The following KIAA2012 variants were observed in gnomAD, a reference collection of about 807,000 sequenced individuals.
KIAA2012 encodes KIAA2012.
A neutral mutation model predicts 150.6 loss-of-function variants in KIAA2012; 125 were observed. That is an observed-to-expected ratio of 0.83 (90% CI 0.72 to 0.96). The LOEUF (loss-of-function observed/expected upper bound fraction) is 0.96, where lower values mean the gene tolerates loss of function less well. Ranked by LOEUF, KIAA2012 falls within the 40% of genes least tolerant of loss-of-function variation. The pLI, the probability that KIAA2012 is intolerant of heterozygous loss-of-function variation, is 0.00. For synonymous variants in KIAA2012, 462 were observed against 504.7 expected (o/e 0.92, Z 1.13); for missense variants, 1,219 against 1,354.9 (o/e 0.90, Z 1.57).
chr2:202,188,255 A>C lies in KIAA2012; in HGVS notation c.2480A>C (p.Glu827Ala), dbSNP rs1224922991. Residue 827 changes from glutamate (E) to alanine (A), a missense_variant, in exon 18 of 24, where the codon GAG becomes GCG. Glu to Ala is a moderately radical substitution (Grantham distance 107). Coordinates refer to ENST00000498697, the MANE Select transcript of KIAA2012 (RefSeq NM_001277372.4). Reference sequence around the variant, plus strand: ...GAAGGAAAGGTCTACGGGCAAGCAGAGGCTGCCATTGGTAAGAGAGTGTGC... The same window carrying C: ...GAAGGAAAGGTCTACGGGCAAGCAGCGGCTGCCATTGGTAAGAGAGTGTGC... ...EREGKVYGQA[E>A]AAIGKSKDSK... 6.5e-7 allele frequency: 1 copy of C among 1,549,584 alleles called. No homozygotes were observed. The highest frequency in any genetic ancestry group is 8.7e-7 in the Non-Finnish European group (1 of 1,146,568).
At chr2:202,147,113 G>A (rs1368039044) in intron 13 of KIAA2012, among the ~76,000 whole-genome samples, 2 of 152,154 alleles carry the variant, frequency 1.3e-5, no homozygotes, top group Non-Finnish European at 2.9e-5. Context: ...TTGAAAAGCA[G>A]GAATAATTTA....
intron 14 of KIAA2012, 55 bp downstream of exon 14, chr2:202,154,865 A>G: frequency 1.3e-6 from 2 of 1,506,938 alleles, no homozygotes; most frequent in Non-Finnish European, 1.8e-6. Context: ...CAGGAATTCC[A>G]GTTAATACAC....
chr2:202,152,787 T>C (rs115128878), intron 13 of KIAA2012, among the ~76,000 whole-genome samples: 36 of 152,318 alleles, frequency 2.4e-4, no homozygotes, highest in African/African-American at 8.4e-4. Context: ...TGGGTGTTCA[T>C]TGGAATGATG....
At chr2:202,152,691 T>C (rs1005968516) in intron 13 of KIAA2012, among the ~76,000 whole-genome samples, 3 of 152,208 alleles carry the variant, frequency 2.0e-5, no homozygotes, top group African/African-American at 7.2e-5. Flanking sequence ...ATCAGATATG[T>C]GGCTGAGATG....
intron 14 of KIAA2012, among the ~76,000 whole-genome samples, chr2:202,162,055 T>C (rs955024964): frequency 1.4e-5 from 2 of 146,388 alleles, no homozygotes; most frequent in African/African-American, 2.4e-5. Context: ...ATCTGAAATA[T>C]ATTCAGAAGG....
At chr2:202,122,027 C>T (rs1280129360) in intron 11 of KIAA2012, among the ~76,000 whole-genome samples, 2 of 152,026 alleles carry the variant, frequency 1.3e-5, no homozygotes, top group African/African-American at 2.4e-5. Context: ...AAAAGAGGAA[C>T]GTAGAGAACA....
At chr2:202,137,885 G>A (rs4494723) in intron 12 of KIAA2012, 98,463 of 152,644 alleles carry the variant, frequency 0.65, 31,934 homozygotes, top group Admixed American at 0.69. Context: ...GGCTGGCTCC[G>A]CGGTTTCCAT....
intron 12 of KIAA2012, among the ~76,000 whole-genome samples, chr2:202,135,038 G>T: frequency 6.6e-6 from 1 of 152,218 alleles, no homozygotes; most frequent in Non-Finnish European, 1.5e-5. Flanking sequence ...AGGCAGAAGA[G>T]GCTTGGGATG....
chr2:202,189,063 T>A (rs948085352), intron 18 of KIAA2012, among the ~76,000 whole-genome samples: 1 of 152,172 alleles, frequency 6.6e-6, no homozygotes, highest in Admixed American at 6.5e-5. Flanking sequence ...ATTTACATTT[T>A]TGTAGCCCAT....
At chr2:202,200,910 TAGTC>T (rs1222223249) in intron 22 of KIAA2012, among the ~76,000 whole-genome samples, 4 of 151,988 alleles carry the variant, frequency 2.6e-5, no homozygotes, top group Admixed American at 6.6e-5. Flanking sequence ...TTCTCCATGT[TAGTC>T]AGGCTTGTCT....
chr2:202,186,511 CA>C (rs57585341), intron 16 of KIAA2012, among the ~76,000 whole-genome samples: 7,307 of 144,042 alleles, frequency 0.051, 591 homozygotes, highest in African/African-American at 0.17. Flanking sequence ...GACTCCGTCT[CA>C]AAAAAAAAAA....
At chr2:202,142,331 A>G (rs1691210576) in intron 13 of KIAA2012, among the ~76,000 whole-genome samples, 1 of 152,246 alleles carries the variant, frequency 6.6e-6, no homozygotes, top group Non-Finnish European at 1.5e-5. Flanking sequence ...AAAACATGAA[A>G]TATCCATTGA....
intron 15 of KIAA2012, chr2:202,179,842 C>G: frequency 1.6e-6 from 1 of 620,238 alleles, no homozygotes; most frequent in Admixed American, 1.9e-5. Context: ...AGATCTGGAA[C>G]TTGAAGATGC....
chr2:202,109,699 G>A lies in KIAA2012; in HGVS notation c.1561G>A (p.Gly521Ser), dbSNP rs1159824971. 5 of 1,550,630 alleles carry A rather than the reference G, an allele frequency of 3.2e-6. No individual in the cohort carries two copies. The highest frequency in any genetic ancestry group is 1.2e-5 in the South Asian group (1 of 84,026). ...KGKKSPESQKGVDSPRTSDHN... is the reference protein window; with the variant it reads ...KGKKSPESQKSVDSPRTSDHN... The stretch of plus-strand genomic sequence containing the variant: ...AAAAAAAAGTCCTGAGAGCCAGAAG[G>A]GCGTGGACAGCCCTAGGACATCAGA... The change falls in exon 10 of 24, where the codon GGC (glycine) becomes AGC (serine). Residue 521 changes from glycine (G) to serine (S), a missense_variant. Coordinates refer to ENST00000498697, the MANE Select transcript of KIAA2012 (RefSeq NM_001277372.4).
At chr2:202,186,770 T>G (rs1692236011) in intron 16 of KIAA2012, among the ~76,000 whole-genome samples, 163 bp from the exon 17 acceptor site, 1 of 152,236 alleles carries the variant, frequency 6.6e-6, no homozygotes, top group African/African-American at 2.4e-5. Context: ...CTTTCTCATC[T>G]TCCTTACCAT....
intron 15 of KIAA2012, among the ~76,000 whole-genome samples, chr2:202,180,980 T>A (rs558369628): frequency 9.2e-5 from 14 of 152,202 alleles, no homozygotes; most frequent in Admixed American, 4.6e-4. Context: ...CAATTAAAAA[T>A]TTTTTTTGAG....
chr2:202,116,465 C>CTTTCTTT, intron 11 of KIAA2012: 1 of 57,986 alleles, frequency 1.7e-5, no homozygotes, highest in Non-Finnish European at 2.8e-5. Flanking sequence ...CCATGCCCGG[C>CTTTCTTT]TTTTTTTTTT....
At chr2:202,171,460 C>T (rs1323593188) in intron 15 of KIAA2012, among the ~76,000 whole-genome samples, 2 of 152,238 alleles carry the variant, frequency 1.3e-5, no homozygotes, top group African/African-American at 4.8e-5. Flanking sequence ...AGGCTTCTGC[C>T]TAGCGCCTCT....
In KIAA2012 at chr2:202,190,371, C is replaced by A; in HGVS notation, c.2689C>A (p.Pro897Thr). Residue 897 changes from proline to threonine, a missense_variant, in exon 19 of 24, where the codon CCC (proline) becomes ACC (threonine). By Grantham distance (38) the Pro-to-Thr change is conservative. Transcript: ENST00000498697. ...DSFVEDPWLSPKYDAQESQVS... is the reference protein window; with the variant it reads ...DSFVEDPWLSTKYDAQESQVS... ...CTTTGTAGAGGACCCTTGGCTTTCT[C>A]CCAAATATGATGCCCAGGAAAGCCA... The A allele has an allele frequency of 6.4e-7, 1 of 1,550,628 alleles. No homozygotes were observed. The highest frequency in any genetic ancestry group is 8.7e-7 in the Non-Finnish European group (1 of 1,147,010).
Sources: allele counts gnomAD v4.1 joint callset (sites outside exome capture counted in the v4.1 genomes callset), GRCh38; gene constraint gnomAD v4.1.1; transcripts MANE v1.5; gene names NCBI Gene and HGNC (gene_info 2026-07-23, HGNC 2026-07-21).